APLP2: variants seen among roughly 807,000 people sequenced by gnomAD.
APLP2 encodes the protein amyloid beta precursor like protein 2.
Under a neutral mutation model 89.9 loss-of-function variants are expected in APLP2, and 53 were observed. The observed-to-expected ratio is 0.59, with a 90% CI of 0.47 to 0.74. APLP2 has a LOEUF of 0.74. Among genes scored for constraint, APLP2 ranks in the 30% least tolerant of loss-of-function variants. APLP2 has a pLI of 0.00. For synonymous variants in APLP2, 372 were observed against 348.6 expected, an observed-to-expected ratio of 1.07 and a Z score of -0.75; for missense variants, 973 against 975.9, an observed-to-expected ratio of 1.00 and a Z score of 0.04.
At chr11:130,081,022 A>G (rs1444936262) in intron 1 of APLP2, among the ~76,000 whole-genome samples, 2 of 152,232 alleles carry the variant, frequency 1.3e-5, no homozygotes, top group Non-Finnish European at 2.9e-5. Flanking sequence ...ATATGCTTTG[A>G]GCTACAAACT....
At chr11:130,071,778 T>G (rs1941153081) in intron 1 of APLP2, among the ~76,000 whole-genome samples, 1 of 152,252 alleles carries the variant, frequency 6.6e-6, no homozygotes, top group African/African-American at 2.4e-5. Flanking sequence ...AAGTAGGAAT[T>G]AAACATTTCT....
At position 130,136,620 on chromosome 11, in the gene APLP2, AG is replaced by A. The variant is rs149289754; in HGVS notation, c.1837+907del. ...CATCAAATTAGGGGTGGGGGGATGG[AG>A]GTACATCCAGCTTAGCCTTCAGACC... On this transcript the variant is annotated intron_variant, in intron 13 of 16. Coordinates refer to ENST00000338167, the MANE Select transcript of APLP2 (RefSeq NM_001142276.2). 4.2e-3 allele frequency among the ~76,000 whole-genome samples: 645 copies of A among 152,296 alleles called. 2 individuals carry two copies. The highest frequency in any genetic ancestry group is 6.5e-3 in the Non-Finnish European group (439 of 68,032).
At chr11:130,122,177 C>A in intron 5 of APLP2, 128 bp from the exon 6 acceptor site, 1 of 1,129,234 alleles carries the variant, frequency 8.9e-7, no homozygotes, top group Non-Finnish European at 1.3e-6. Flanking sequence ...GGCTTAGTGG[C>A]ACGGTGAAAT....
chr11:130,070,386 G>T (rs925694781), intron 1 of APLP2, among the ~76,000 whole-genome samples: 9 of 151,392 alleles, frequency 5.9e-5, no homozygotes, highest in African/African-American at 2.2e-4. Context: ...CTCCTCCGGG[G>T]ACCCAGTGCC....
At chr11:130,071,739 G>A (rs913508884) in intron 1 of APLP2, among the ~76,000 whole-genome samples, 2 of 152,208 alleles carry the variant, frequency 1.3e-5, no homozygotes, top group African/African-American at 4.8e-5. Context: ...TAGCCACAGC[G>A]TTGTTCAGTT....
Position 130,109,436 on chromosome 11 carries a change from C to G in APLP2, c.113C>G (p.Ala38Gly). ...TTTTTTTCCCTTTGGTAGGCTCTTG[C>G]AGCCAATGCCGGAACAGGATTTGCT... ...LALAGYIEAL[A>G]ANAGTGFAVA... is the part of the protein sequence containing the mutation. The change falls in exon 2 of 17, where the codon GCA (alanine) becomes GGA (glycine). Residue 38 changes from alanine (A) to glycine (G), a missense_variant. By Grantham distance (60) the Ala-to-Gly change is moderately conservative. Coordinates refer to ENST00000338167, the MANE Select transcript of APLP2 (RefSeq NM_001142276.2). The G allele has an allele frequency of 6.2e-7, 1 of 1,609,492 alleles. No homozygotes were observed. Among genetic ancestry groups the G allele is most frequent in the Non-Finnish European group, 8.5e-7 (1 of 1,178,020 alleles).
At chr11:130,143,293 C>A in intron 16 of APLP2, 54 bp from the exon 17 acceptor site, 1 of 1,517,860 alleles carries the variant, frequency 6.6e-7, no homozygotes, top group Non-Finnish European at 9.1e-7. Flanking sequence ...TCCCAGCACC[C>A]TGTGCAGGTC....
chr11:130,130,082 GA>G lies in APLP2; in HGVS notation c.1502del (p.Asn501ThrfsTer25). 6.2e-7 allele frequency: 1 copy of G among 1,614,242 alleles called. No individual in the cohort carries two copies. Among genetic ancestry groups the G allele is most frequent in the Non-Finnish European group, 8.5e-7 (1 of 1,180,044 alleles). On this transcript the variant is annotated frameshift_variant, in exon 11 of 17. Coordinates refer to ENST00000338167, the MANE Select transcript of APLP2 (RefSeq NM_001142276.2). LOFTEE classifies it high-confidence loss of function. ...QALRRYVRAE[N>X]KDRLHTIRHY... ...CCTTACGGCGTTATGTCCGTGCTGA[GA>G]ACAAAGATCGCTTACATACCATCCG...
At chr11:130,103,773 A>G (rs1947263773) in intron 1 of APLP2, among the ~76,000 whole-genome samples, 1 of 152,176 alleles carries the variant, frequency 6.6e-6, no homozygotes, top group African/African-American at 2.4e-5. Flanking sequence ...TAAGGGGTAA[A>G]TGGTTTCTCC....
chr11:130,129,842 T>A (rs3819105), intron 10 of APLP2, among the ~76,000 whole-genome samples, 196 bp from the exon 11 acceptor site: 7,910 of 152,310 alleles, frequency 0.052, 311 homozygotes, highest in East Asian at 0.18. Context: ...CAGTATAACT[T>A]TGGAACTTAG....
At chr11:130,092,025 G>A (rs1237082711) in intron 1 of APLP2, among the ~76,000 whole-genome samples, 2 of 129,372 alleles carry the variant, frequency 1.5e-5, no homozygotes, top group African/African-American at 3.3e-5. Flanking sequence ...GGGCAGAGAC[G>A]CTCCTCACCT....
At chr11:130,083,210 A>T (rs1049016069) in intron 1 of APLP2, among the ~76,000 whole-genome samples, 23 of 150,784 alleles carry the variant, frequency 1.5e-4, no homozygotes, top group African/African-American at 5.3e-4. Flanking sequence ...GTAATTAAAC[A>T]TTTTTTTTGT....
At chr11:130,137,966 C>G (rs1951830823) in intron 13 of APLP2, among the ~76,000 whole-genome samples, 1 of 152,202 alleles carries the variant, frequency 6.6e-6, no homozygotes, top group East Asian at 1.9e-4. Flanking sequence ...GTTTTTAGCT[C>G]TATTTTCTAG....
intron 3 of APLP2, among the ~76,000 whole-genome samples, chr11:130,113,205 ATAC>A (rs1948795479): frequency 6.6e-6 from 1 of 152,240 alleles, no homozygotes; most frequent in South Asian, 2.1e-4. Flanking sequence ...AATATCGGAT[ATAC>A]TGTTTACGAT....
At chr11:130,081,879 C>T (rs563469533) in intron 1 of APLP2, among the ~76,000 whole-genome samples, 1 of 152,182 alleles carries the variant, frequency 6.6e-6, no homozygotes, top group South Asian at 2.1e-4. Context: ...GTAGCTATAT[C>T]CCAAATTGGC....
At chr11:130,112,448 C>G (rs957782411) in intron 3 of APLP2, among the ~76,000 whole-genome samples, 28 of 152,132 alleles carry the variant, frequency 1.8e-4, no homozygotes, top group Admixed American at 6.5e-5. Context: ...GGACACAGTA[C>G]TTATTAAGTT....
At chr11:130,104,921 T>G (rs778725220) in intron 1 of APLP2, among the ~76,000 whole-genome samples, 22 of 152,194 alleles carry the variant, frequency 1.4e-4, no homozygotes, top group Non-Finnish European at 3.1e-4. Context: ...CTTCCTTCTC[T>G]TATACTAGTA....
At position 130,123,596 on chromosome 11, in the gene APLP2, G is replaced by T; in HGVS notation, c.923-16G>T. The T allele has an allele frequency of 6.2e-7, 1 of 1,609,618 alleles. No individual in the cohort carries two copies. ...ACTGCCTCTGTCCTGCTGACACTCTGACCATTTTCACACAGCTGTCTGCTC... is the reference window on the plus strand; with the variant it reads ...ACTGCCTCTGTCCTGCTGACACTCTTACCATTTTCACACAGCTGTCTGCTC... On this transcript the variant is annotated splice_polypyrimidine_tract_variant and intron_variant, in intron 6 of 16. Transcript: ENST00000338167. This position sits in a 1 kb window ranked among gnomAD's most constrained non-coding sequence, Gnocchi z 4.0.
chr11:130,106,548 ACT>A (rs1947787487), intron 1 of APLP2, among the ~76,000 whole-genome samples: 2 of 151,766 alleles, frequency 1.3e-5, no homozygotes, highest in African/African-American at 4.8e-5. Context: ...TGGTCTGCAG[ACT>A]CTTGTCCCGG....
Sources: gnomAD v4.1 joint callset for allele counts (sites outside exome capture counted in the v4.1 genomes callset) on GRCh38, gnomAD v4.1.1 for gene constraint, Gnocchi (gnomAD v3.1) non-coding constraint, MANE v1.5 for transcripts, NCBI Gene and HGNC (gene_info 2026-07-23, HGNC 2026-07-21) for gene names.